The following TRAPPC3L variants were observed in gnomAD, a reference collection of about 807,000 sequenced individuals.
TRAPPC3L encodes trafficking protein particle complex subunit 3L.
In TRAPPC3L, 23 loss-of-function variants were observed where a neutral mutation model predicts 23.7. The ratio of observed to expected loss-of-function variants is 0.97; its 90% CI spans 0.70 to 1.37. The LOEUF (loss-of-function observed/expected upper bound fraction) is 1.37, where lower values mean the gene tolerates loss of function less well. Ranked by LOEUF, TRAPPC3L falls within the 40% of genes most tolerant of loss-of-function variation. TRAPPC3L has a pLI of 0.00. For missense variants in TRAPPC3L, 212 were observed against 216.8 expected (o/e 0.98, Z 0.14); for synonymous variants, 81 against 77.9 (o/e 1.04, Z -0.21).
At chr6:116,504,887 T>C (rs991275687) in intron 3 of TRAPPC3L, among the ~76,000 whole-genome samples, 8 of 152,176 alleles carry the variant, frequency 5.3e-5, no homozygotes, top group Non-Finnish European at 1.2e-4. Context: ...AAGAGCTATT[T>C]AGGACAAACC....
At chr6:116,499,654 C>A (rs537662784) in intron 4 of TRAPPC3L, among the ~76,000 whole-genome samples, 1 of 152,132 alleles carries the variant, frequency 6.6e-6, no homozygotes, top group South Asian at 2.1e-4. Context: ...CTTTTTGTAC[C>A]TTTGGACATG....
intron 3 of TRAPPC3L, 139 bp from the exon 4 acceptor site, chr6:116,500,805 C>T (rs757627136): frequency 1.3e-6 from 1 of 741,362 alleles, no homozygotes. Context: ...CCGGCTTCAC[C>T]CTTAGCTTTG....
rs59896067 is a variant in TRAPPC3L, at chr6:116,511,106, G to GTA, written c.241-10442_241-10441dup. On this transcript the variant is annotated intron_variant, in intron 3 of 4. Transcript: ENST00000368602. ...GTGCACTAAAATCTCATATATATAT[G>GTA]TATATATATATATATGTATATTTAT... is the stretch of plus-strand genomic sequence containing the variant. Among the ~76,000 whole-genome samples, 1,373 of 140,794 alleles carry GTA rather than the reference G, an allele frequency of 9.8e-3. 9 individuals are homozygous for GTA. Among genetic ancestry groups the GTA allele is most frequent in the African/African-American group, 0.028 (1,059 of 38,108 alleles). The allele number at this position is 140,794 out of a possible 152,430, so 92.4% of individuals were successfully genotyped here. A position where few individuals can be genotyped will look rare whatever the true frequency, so the allele number is the denominator to read the frequency against.
chr6:116,536,029 T>C (rs1307558424), intron 3 of TRAPPC3L, among the ~76,000 whole-genome samples: 2 of 152,150 alleles, frequency 1.3e-5, no homozygotes, highest in Non-Finnish European at 2.9e-5. Flanking sequence ...ATAAAGAAAA[T>C]ATCAATGCTA....
chr6:116,515,908 A>C (rs781003506), intron 3 of TRAPPC3L: 5 of 1,613,804 alleles, frequency 3.1e-6, no homozygotes, highest in Non-Finnish European at 4.2e-6. Context: ...CCCTCCACAG[A>C]GTGGTGGACA....
intron 3 of TRAPPC3L, 128 bp from the exon 4 acceptor site, chr6:116,500,794 T>C (rs1771899872): frequency 1.3e-6 from 1 of 797,948 alleles, no homozygotes. Flanking sequence ...AGTCAGGAAG[T>C]CCGGCTTCAC....
At chr6:116,537,478 T>G (rs760763510) in intron 3 of TRAPPC3L, among the ~76,000 whole-genome samples, 2 of 152,194 alleles carry the variant, frequency 1.3e-5, no homozygotes, top group Non-Finnish European at 2.9e-5. Context: ...ACATTCTGGG[T>G]TTTTTTCATG....
chr6:116,505,020 C>A (rs1017194216), intron 3 of TRAPPC3L, among the ~76,000 whole-genome samples: 2 of 152,064 alleles, frequency 1.3e-5, no homozygotes, highest in African/African-American at 4.8e-5. Context: ...CTGGCCAGGG[C>A]AATCAGGCAA....
intron 2 of TRAPPC3L, among the ~76,000 whole-genome samples, chr6:116,540,957 T>A (rs1188976228): frequency 6.6e-6 from 1 of 151,888 alleles, no homozygotes; most frequent in African/African-American, 2.4e-5. Context: ...GCAGAAAAAA[T>A]TTTTGTTGCC....
At chr6:116,510,025 T>C (rs1446514907) in intron 3 of TRAPPC3L, among the ~76,000 whole-genome samples, 1 of 152,028 alleles carries the variant, frequency 6.6e-6, no homozygotes, top group African/African-American at 2.4e-5. Flanking sequence ...ATGACATCAA[T>C]AGACATTTCT....
At chr6:116,530,744 C>A (rs9387418) in intron 3 of TRAPPC3L, among the ~76,000 whole-genome samples, 68,401 of 151,194 alleles carry the variant, frequency 0.45, 16,049 homozygotes, top group Middle Eastern at 0.63. Flanking sequence ...ATAACAAAGA[C>A]AGTTTTGTCT....
rs1418088722 is a variant in TRAPPC3L at position 116,496,164 on chromosome 6, A to AT, written c.*789dup. The AT allele has an allele frequency of 2.6e-5, 4 of 152,124 alleles. No individual in the cohort carries two copies. The highest frequency in any genetic ancestry group is 5.9e-5 in the Non-Finnish European group (4 of 68,014). The allele number at this position is 152,124 out of a possible 1,614,324, so 9.4% of individuals were successfully genotyped here. A position where few individuals can be genotyped will look rare whatever the true frequency, so the allele number is the denominator to read the frequency against. On this transcript the variant is annotated 3_prime_UTR_variant, in exon 5 of 5. Transcript: ENST00000368602. The stretch of plus-strand genomic sequence containing the variant: ...TCACAAAGAAAACATCCTTTGGAAG[A>AT]TTTTTTAGAGGATGAAAATGATAGT...
At chr6:116,514,915 C>T (rs1433603563) in intron 3 of TRAPPC3L, among the ~76,000 whole-genome samples, 1 of 151,996 alleles carries the variant, frequency 6.6e-6, no homozygotes, top group Non-Finnish European at 1.5e-5. Context: ...AGAGTTAGAG[C>T]CAAAAAAGTT....
At chr6:116,537,897 T>C (rs759964623) in intron 3 of TRAPPC3L, among the ~76,000 whole-genome samples, 3 of 152,218 alleles carry the variant, frequency 2.0e-5, no homozygotes, top group Non-Finnish European at 4.4e-5. Flanking sequence ...GTACTTCCTA[T>C]TGGCATATTT....
intron 3 of TRAPPC3L, among the ~76,000 whole-genome samples, chr6:116,505,394 C>G (rs1771985549): frequency 6.6e-6 from 1 of 152,288 alleles, no homozygotes; most frequent in South Asian, 2.1e-4. Context: ...GAAAAACATT[C>G]CATGCTCATG....
At chr6:116,533,687 A>G (rs1772889792) in intron 3 of TRAPPC3L, among the ~76,000 whole-genome samples, 1 of 152,186 alleles carries the variant, frequency 6.6e-6, no homozygotes, top group African/African-American at 2.4e-5. Flanking sequence ...CTAGAGCTCC[A>G]TCATGCAGAC....
At chr6:116,510,416 G>GGA (rs1772091356) in intron 3 of TRAPPC3L, among the ~76,000 whole-genome samples, 2 of 151,560 alleles carry the variant, frequency 1.3e-5, no homozygotes, top group Non-Finnish European at 2.9e-5. Context: ...TGAGTAGCTG[G>GGA]GACTACAGGT....
intron 3 of TRAPPC3L, among the ~76,000 whole-genome samples, chr6:116,501,264 G>A (rs547869376): frequency 5.9e-5 from 9 of 152,306 alleles, no homozygotes; most frequent in Admixed American, 3.3e-4. Context: ...GCCTGAGATC[G>A]ACCTGAGATG....
chr6:116,544,261 C>T (rs1420725742), intron 1 of TRAPPC3L, among the ~76,000 whole-genome samples: 1 of 151,794 alleles, frequency 6.6e-6, no homozygotes, highest in Non-Finnish European at 1.5e-5. Flanking sequence ...ACCCTACCTA[C>T]ATGCCATGGC....
Sources: gnomAD v4.1 joint callset for allele counts (sites outside exome capture counted in the v4.1 genomes callset) on GRCh38, gnomAD v4.1.1 for gene constraint, MANE v1.5 for transcripts, NCBI Gene and HGNC (gene_info 2026-07-23, HGNC 2026-07-21) for gene names.